DUOX1: variants seen among roughly 807,000 people sequenced by gnomAD.
DUOX1 encodes dual oxidase 1.
Under a neutral mutation model 181.8 loss-of-function variants are expected in DUOX1, and 134 were observed. The observed-to-expected ratio is 0.74, with a 90% CI of 0.64 to 0.85. DUOX1 has a LOEUF of 0.85. DUOX1 is among the 40% of genes least tolerant of loss of function. The pLI, the probability that DUOX1 is intolerant of heterozygous loss-of-function variation, is 0.00. For synonymous variants in DUOX1, 798 were observed against 832.5 expected, an observed-to-expected ratio of 0.96 and a Z score of 0.71; for missense variants, 1,814 against 2,064.4, an observed-to-expected ratio of 0.88 and a Z score of 2.35.
chr15:45,150,749 A>G, intron 22 of DUOX1, 48 bp downstream of exon 22: 1 of 1,579,826 alleles, frequency 6.3e-7, no homozygotes, highest in South Asian at 1.1e-5. Context: ...GGGAGTTGCC[A>G]TTTCTCTCCC....
At chr15:45,162,427 C>G in intron 31 of DUOX1, 50 bp downstream of exon 31, 1 of 1,589,630 alleles carries the variant, frequency 6.3e-7, no homozygotes, top group East Asian at 2.2e-5. Context: ...TCTTCCTTGT[C>G]ATGGTACCCA....
At position 45,148,413 on chromosome 15, in the gene DUOX1, T is replaced by C; in HGVS notation, c.2784T>C (p.Asn928=). 2 of 1,614,066 alleles carry C rather than the reference T, an allele frequency of 1.2e-6. No homozygotes were observed. The highest frequency in any genetic ancestry group is 8.5e-7 in the Non-Finnish European group (1 of 1,179,970). Residue 928 remains asparagine, a synonymous_variant, in exon 21 of 34, where the codon AAT becomes AAC. Transcript: ENST00000389037. ...EDFHFMLRDH[N]SELRFTQLCV... The stretch of plus-strand genomic sequence containing the variant: ...TTCACTTCATGCTGCGGGACCACAA[T>C]AGCGAGCTCCGCTTCACGCAGCTCT...
intron 33 of DUOX1, among the ~76,000 whole-genome samples, chr15:45,164,254 C>T (rs1456366388): frequency 1.3e-5 from 2 of 152,202 alleles, no homozygotes; most frequent in East Asian, 1.9e-4. Flanking sequence ...ACTGAGGGAA[C>T]CTTTACCATG....
intron 19 of DUOX1, 112 bp downstream of exon 19, chr15:45,147,770 C>A (rs1366579005): frequency 1.9e-6 from 3 of 1,552,680 alleles, no homozygotes; most frequent in Non-Finnish European, 8.9e-7. Context: ...GTGCCCAGGC[C>A]GAGGTCAGGA....
intron 21 of DUOX1, 90 bp from the exon 22 acceptor site, chr15:45,150,542 G>A: frequency 8.0e-7 from 1 of 1,243,356 alleles, no homozygotes; most frequent in Non-Finnish European, 1.2e-6. Context: ...CTGTGCCTGA[G>A]CATGGGATGG....
Position 45,155,258 on chromosome 15 carries a change from C to A in DUOX1, c.3575-544C>A, listed in dbSNP as rs1297772546. 3.3e-5 allele frequency among the ~76,000 whole-genome samples: 5 copies of A among 152,164 alleles called. No homozygotes were observed. In the East Asian group the frequency reaches 9.6e-4, roughly 29 times the overall value. On this transcript the variant is annotated intron_variant, in intron 27 of 33. Coordinates refer to ENST00000389037, the MANE Select transcript of DUOX1 (RefSeq NM_175940.3). ...AGTCAGGAAAGTGACAGACAAAAAC[C>A]AAATAATGACATTGGTGAAAAATTG... is the stretch of plus-strand genomic sequence containing the variant.
At chr15:45,132,426 A>G (rs971860682) in intron 2 of DUOX1, among the ~76,000 whole-genome samples, 16 of 152,250 alleles carry the variant, frequency 1.1e-4, no homozygotes, top group Non-Finnish European at 7.3e-5. Flanking sequence ...GGAGTCATCA[A>G]TATGTTTAAA....
chr15:45,139,161 T>C lies in DUOX1; in HGVS notation c.1209T>C (p.Asp403=). Residue 403 remains aspartate, a synonymous_variant, in exon 11 of 34, where the codon GAT becomes GAC. Transcript: ENST00000389037. ...GAGAGGACCATGTGTTGGTTGAAGA[T>C]GTGCGGGGTGAGTCTGAGGCTGTCC... ...AEREDHVLVE[D]VRDFWPGPLK... 8 of 1,614,152 alleles carry C rather than the reference T, an allele frequency of 5.0e-6. No homozygotes were observed. The highest frequency in any genetic ancestry group is 6.8e-6 in the Non-Finnish European group (8 of 1,180,032).
rs77043445 is a variant in DUOX1 at position 45,135,141 on chromosome 15, T to G, written c.345T>G (p.Thr115=). The change falls in exon 5 of 34, where the codon ACT becomes ACG. Residue 115 remains threonine (T), a synonymous_variant. Coordinates refer to ENST00000389037, the MANE Select transcript of DUOX1 (RefSeq NM_175940.3). ...HVLSDLVSVE[T]PGCPAEFLNI... Reference sequence around the variant, plus strand: ...TTTCAGACCTGGTGAGCGTGGAAACTCCCGGCTGCCCCGCCGAGTTCCTCA... The same window carrying G: ...TTTCAGACCTGGTGAGCGTGGAAACGCCCGGCTGCCCCGCCGAGTTCCTCA... 3.5e-3 allele frequency: 5,620 copies of G among 1,613,550 alleles called. 204 individuals are homozygous for G. The African/African-American group carries it at 0.069, about 20-fold the overall frequency.
intron 24 of DUOX1, 90 bp downstream of exon 24, chr15:45,152,142 G>A (rs143970757): frequency 1.1e-5 from 17 of 1,518,648 alleles, no homozygotes; most frequent in Non-Finnish European, 1.5e-5. Flanking sequence ...TGCCAGCCCT[G>A]GGTAGGGTAA....
chr15:45,152,417 A>G lies in DUOX1; in HGVS notation c.3325A>G (p.Ile1109Val), dbSNP rs1896839778. The stretch of plus-strand genomic sequence containing the variant: ...CTTGCTCACCATGTGCCGCAACCTC[A>G]TCACCTTCCTGCGAGAAACCTTCCT... ...YILLTMCRNL[I>V]TFLRETFLNR... The change falls in exon 25 of 34, where the codon ATC becomes GTC. Residue 1109 changes from isoleucine (I) to valine (V), a missense_variant. This residue lies in a region of DUOX1 where 1,064 missense variants were observed against 1,152.9 expected (regional missense o/e 0.92). Coordinates refer to ENST00000389037, the MANE Select transcript of DUOX1 (RefSeq NM_175940.3). 1.2e-6 allele frequency: 2 copies of G among 1,614,094 alleles called. No homozygotes were observed. The highest frequency in any genetic ancestry group is 8.5e-7 in the Non-Finnish European group (1 of 1,179,998).
At chr15:45,139,211 C>G (rs780136730) in intron 11 of DUOX1, 43 bp downstream of exon 11, 2 of 1,613,324 alleles carry the variant, frequency 1.2e-6, no homozygotes, top group East Asian at 2.2e-5. Flanking sequence ...CTCCTGGCCT[C>G]TGGGAAGAGG....
intron 2 of DUOX1, among the ~76,000 whole-genome samples, chr15:45,133,508 C>A (rs1276294055): frequency 6.6e-6 from 1 of 152,158 alleles, no homozygotes; most frequent in Non-Finnish European, 1.5e-5. Context: ...TGTGTCCCCT[C>A]AGGGAGCTGA....
intron 25 of DUOX1, chr15:45,152,900 T>C (rs1034175988): frequency 5.5e-6 from 2 of 364,282 alleles, no homozygotes; most frequent in Non-Finnish European, 1.0e-5. Flanking sequence ...CTGTGGGGTG[T>C]TGGGTAGGGC....
chr15:45,140,045 C>G (rs534366651), intron 12 of DUOX1: 6 of 1,371,216 alleles, frequency 4.4e-6, no homozygotes, highest in Non-Finnish European at 5.9e-6. Context: ...CCCAGCATGC[C>G]TTACCCATTC....
intron 23 of DUOX1, 138 bp downstream of exon 23, chr15:45,151,386 A>G (rs1404187900): frequency 3.5e-6 from 4 of 1,135,142 alleles, no homozygotes; most frequent in Non-Finnish European, 4.9e-6. Flanking sequence ...AGAACATCAC[A>G]ATCTAAGAAG....
At chr15:45,156,013 C>A in intron 28 of DUOX1, 84 bp downstream of exon 28, 1 of 1,557,646 alleles carries the variant, frequency 6.4e-7, no homozygotes, top group Non-Finnish European at 8.8e-7. Context: ...GACATTCATT[C>A]AATTTCTAGC....
chr15:45,137,917 A>C lies in DUOX1; in HGVS notation c.1023-7A>C. On this transcript the variant is annotated splice_polypyrimidine_tract_variant and splice_region_variant and intron_variant, in intron 9 of 33. Transcript: ENST00000389037. ...CAATCACCATCTCCCTGCTCCTTGC[A>C]TTTCAGAAATGCCAGCTGCCACTTC... 1 of 1,599,968 alleles carries C rather than the reference A, an allele frequency of 6.3e-7. No individual in the cohort carries two copies.
At position 45,136,658 on chromosome 15, in the gene DUOX1, G is replaced by A. The variant is rs747442860; in HGVS notation, c.1022+33G>A. 1.7e-5 allele frequency: 28 copies of A among 1,607,434 alleles called. 1 individual carries two copies. The Admixed American group carries it at 4.3e-4, about 25-fold the overall frequency. On this transcript the variant is annotated intron_variant, in intron 9 of 33. Transcript: ENST00000389037. ...AGGGGCTCAAAGGTGTGTGTGCTGG[G>A]AGGGATGGGGCTGTCAACTGAGGAA... is the stretch of plus-strand genomic sequence containing the variant.
Sources: allele counts gnomAD v4.1 joint callset (sites outside exome capture counted in the v4.1 genomes callset), GRCh38; gene constraint gnomAD v4.1.1; regional missense constraint gnomAD v4.1.1; transcripts MANE v1.5; gene names NCBI Gene and HGNC (gene_info 2026-07-23, HGNC 2026-07-21).